Variants in CDK19 observed in about 807,000 individuals in gnomAD.
CDK19 encodes cyclin dependent kinase 19, also known as cyclin-dependent kinase 19.
CDK19 carries 20 observed loss-of-function variants against 68.3 expected under a neutral mutation model. The ratio of observed to expected loss-of-function variants is 0.29; its 90% CI spans 0.21 to 0.43. CDK19 has a LOEUF of 0.43. Among genes scored for constraint, CDK19 ranks in the 20% least tolerant of loss-of-function variants. The pLI is 1.00. For missense variants in CDK19, 339 were observed against 623.5 expected (o/e 0.54, Z 4.86); for synonymous variants, 221 against 222.8 (o/e 0.99, Z 0.07).
At chr6:110,781,456 C>T (rs1780814179) in intron 1 of CDK19, among the ~76,000 whole-genome samples, 1 of 152,172 alleles carries the variant, frequency 6.6e-6, no homozygotes, top group Non-Finnish European at 1.5e-5. Context: ...GATCAATTTC[C>T]AACCTGAGAT....
At chr6:110,778,605 A>C (rs575850146) in intron 1 of CDK19, among the ~76,000 whole-genome samples, 73 of 152,294 alleles carry the variant, frequency 4.8e-4, no homozygotes, top group African/African-American at 1.7e-3. Context: ...ATTGTACTAA[A>C]TTGTTCTCCC....
At chr6:110,614,963 A>C (rs1043102025) in intron 12 of CDK19, among the ~76,000 whole-genome samples, 1 of 152,212 alleles carries the variant, frequency 6.6e-6, no homozygotes, top group Non-Finnish European at 1.5e-5. Flanking sequence ...TCTTTATTCC[A>C]ATTCTGGGGT....
intron 10 of CDK19, 50 bp downstream of exon 10, chr6:110,622,765 G>T: frequency 8.6e-7 from 1 of 1,169,078 alleles, no homozygotes; most frequent in Non-Finnish European, 1.3e-6. Flanking sequence ...CAACCACCAT[G>T]CAGCCTCCTC....
chr6:110,785,327 A>G (rs1361865954), intron 1 of CDK19, among the ~76,000 whole-genome samples: 3 of 152,164 alleles, frequency 2.0e-5, no homozygotes, highest in Non-Finnish European at 4.4e-5. Context: ...AAAAACCCAC[A>G]TGCAACTTCT....
intron 1 of CDK19, among the ~76,000 whole-genome samples, chr6:110,755,889 G>A (rs1270231204): frequency 6.6e-6 from 1 of 152,140 alleles, no homozygotes; most frequent in African/African-American, 2.4e-5. Context: ...TGAGGAGGGT[G>A]GATGAGGGCC....
rs1582660106 is a variant in CDK19, at chr6:110,610,275, T to C, written c.*4260A>G. 1.3e-5 allele frequency: 2 copies of C among 152,436 alleles called. No homozygotes were observed. The highest frequency in any genetic ancestry group is 2.9e-5 in the Non-Finnish European group (2 of 67,990). The allele number at this position is 152,436 out of a possible 1,614,324, so 9.4% of individuals were successfully genotyped here. A position where few individuals can be genotyped will look rare whatever the true frequency, so the allele number is the denominator to read the frequency against. On this transcript the variant is annotated 3_prime_UTR_variant, in exon 13 of 13. Transcript: ENST00000368911. ...GACAAGAACAGGTACACTTCACAAA[T>C]AGGAATTATAGGAATATACAAACTA...
rs374649776 is a variant in CDK19 at position 110,622,924 on chromosome 6, C to A, written c.934-12G>T. Reference sequence around the variant, plus strand: ...AGGAGTTTCTGAAGCTAGAGTGACACACAGGAAATGTACAGCACATGAAAA... The same window carrying A: ...AGGAGTTTCTGAAGCTAGAGTGACAAACAGGAAATGTACAGCACATGAAAA... On this transcript the variant is annotated splice_polypyrimidine_tract_variant and intron_variant, in intron 9 of 12. Transcript: ENST00000368911. 3 of 1,525,618 alleles carry A rather than the reference C, an allele frequency of 2.0e-6. No individual in the cohort carries two copies. The highest frequency in any genetic ancestry group is 1.7e-5 in the Admixed American group (1 of 59,934). 94.5% of individuals were successfully genotyped at this position (1,525,618 alleles called of 1,614,324 possible).
intron 1 of CDK19, among the ~76,000 whole-genome samples, chr6:110,767,157 GAA>G (rs57344573): frequency 8.8e-4 from 128 of 144,828 alleles, no homozygotes; most frequent in African/African-American, 2.7e-3. Flanking sequence ...AAATAAATAG[GAA>G]AAAAAAAAAA....
chr6:110,809,287 G>A (rs572924777), intron 1 of CDK19, among the ~76,000 whole-genome samples: 1 of 151,788 alleles, frequency 6.6e-6, no homozygotes, highest in South Asian at 2.1e-4. Flanking sequence ...GGCTGAAGCA[G>A]AAGGATCACT....
chr6:110,625,296 A>G (rs945212761), intron 8 of CDK19, among the ~76,000 whole-genome samples: 4 of 152,196 alleles, frequency 2.6e-5, no homozygotes, highest in African/African-American at 9.6e-5. Flanking sequence ...AGAAGTACTC[A>G]TCCTCACCAG....
intron 4 of CDK19, among the ~76,000 whole-genome samples, chr6:110,666,840 C>T (rs1294344498): frequency 6.7e-6 from 1 of 149,068 alleles, no homozygotes; most frequent in African/African-American, 2.6e-5. Context: ...ACTAAAATAA[C>T]AACAATGTGA....
chr6:110,730,562 A>T (rs906098333), intron 2 of CDK19, among the ~76,000 whole-genome samples: 148 of 152,230 alleles, frequency 9.7e-4, no homozygotes, highest in African/African-American at 3.4e-3. Context: ...AATCACTTTG[A>T]AAGGCAATTA....
intron 1 of CDK19, among the ~76,000 whole-genome samples, chr6:110,778,187 A>G (rs1305905761): frequency 2.0e-5 from 3 of 152,208 alleles, no homozygotes; most frequent in Admixed American, 6.6e-5. Context: ...CTAAGTATAG[A>G]AAATCTAAAA....
chr6:110,787,888 G>GGAGTGCAGTGGCGTGATTTC (rs1781343093), intron 1 of CDK19, among the ~76,000 whole-genome samples: 1 of 152,200 alleles, frequency 6.6e-6, no homozygotes, highest in Non-Finnish European at 1.5e-5. Context: ...TGCCCAGGCT[G>GGAGTGCAGTGGCGTGATTTC]GAGTGCAGTG....
rs1554229333 is a variant in CDK19 at position 110,815,239 on chromosome 6, T to TCG, written c.-104_-103insCG. The TCG allele has an allele frequency of 1.7e-5, 20 of 1,148,730 alleles. No homozygotes were observed. The African/African-American group carries it at 3.0e-4, about 17-fold the overall frequency. 71.2% of individuals were successfully genotyped at this position (1,148,730 alleles called of 1,614,324 possible). ...CCGCTCCACTTCTCCAACAGCCGCCTCTCGCGCGCGCGCGCGCGCCGCCCG... is the reference window on the plus strand; with the variant it reads ...CCGCTCCACTTCTCCAACAGCCGCCTCGCTCGCGCGCGCGCGCGCGCCGCCCG... On this transcript the variant is annotated 5_prime_UTR_variant, in exon 1 of 13. Transcript: ENST00000368911.
chr6:110,665,190 A>C (rs1333700755), intron 4 of CDK19, among the ~76,000 whole-genome samples: 2 of 152,238 alleles, frequency 1.3e-5, no homozygotes, highest in African/African-American at 4.8e-5. Context: ...CAGATTGTTG[A>C]CAACAGACAA....
At chr6:110,614,897 G>T (rs947403664) in intron 12 of CDK19, among the ~76,000 whole-genome samples, 3 of 152,124 alleles carry the variant, frequency 2.0e-5, no homozygotes, top group Non-Finnish European at 4.4e-5. Flanking sequence ...GATTTTTGTG[G>T]GAGATAAGCT....
intron 1 of CDK19, among the ~76,000 whole-genome samples, chr6:110,794,101 A>G (rs1035005094): frequency 3.3e-5 from 5 of 152,042 alleles, no homozygotes; most frequent in Non-Finnish European, 7.4e-5. Flanking sequence ...GCTGGAGTGC[A>G]GTGGCGCAAT....
At chr6:110,780,669 A>C (rs1173585020) in intron 1 of CDK19, among the ~76,000 whole-genome samples, 1 of 152,118 alleles carries the variant, frequency 6.6e-6, no homozygotes, top group African/African-American at 2.4e-5. Flanking sequence ...ACATCTCTAC[A>C]ACAAATATTT....
Sources: gnomAD v4.1 joint callset for allele counts (sites outside exome capture counted in the v4.1 genomes callset) on GRCh38, gnomAD v4.1.1 for gene constraint, MANE v1.5 for transcripts, NCBI Gene and HGNC (gene_info 2026-07-23, HGNC 2026-07-21) for gene names.